SH3BP5: variants seen among roughly 807,000 people sequenced by gnomAD.
The protein encoded by SH3BP5 is SH3 domain binding protein 5, also known as SH3 domain-binding protein 5.
SH3BP5 carries 22 observed loss-of-function variants against 43.3 expected under a neutral mutation model. The observed-to-expected ratio is 0.51, with a 90% CI of 0.36 to 0.73. The LOEUF is 0.73. Among genes scored for constraint, SH3BP5 ranks in the 30% least tolerant of loss-of-function variants. The probability of loss-of-function intolerance (pLI) is 0.00; values close to 1 mark genes in which losing one functional copy is unlikely to be tolerated. For missense variants in SH3BP5, 529 were observed against 586.9 expected (o/e 0.90, Z 1.02); for synonymous variants, 255 against 225.8 (o/e 1.13, Z -1.16).
chr3:15,337,636 G>T (rs1038204153), intron 1 of SH3BP5, among the ~76,000 whole-genome samples: 3 of 151,904 alleles, frequency 2.0e-5, no homozygotes, highest in African/African-American at 4.8e-5. Flanking sequence ...CCCCAGGCCA[G>T]GTCTCACACC....
intron 2 of SH3BP5, among the ~76,000 whole-genome samples, chr3:15,326,213 A>G (rs1698459839): frequency 6.6e-6 from 1 of 152,218 alleles, no homozygotes; most frequent in South Asian, 2.1e-4. Flanking sequence ...GTCAGAGGCA[A>G]ACCCAGGTTG....
intron 3 of SH3BP5, among the ~76,000 whole-genome samples, chr3:15,284,907 G>A (rs1697223603): frequency 6.6e-6 from 1 of 152,220 alleles, no homozygotes; most frequent in African/African-American, 2.4e-5. Flanking sequence ...ACGACCGAAT[G>A]CCTGGTGAGT....
intron 1 of SH3BP5, chr3:15,331,860 G>C (rs1698617965): frequency 5.7e-6 from 1 of 174,204 alleles, no homozygotes; most frequent in Non-Finnish European, 1.2e-5. Context: ...CGCCCACGGT[G>C]CCCGGCGCCC....
At chr3:15,283,143 A>G (rs1697173042) in intron 3 of SH3BP5, among the ~76,000 whole-genome samples, 2 of 152,252 alleles carry the variant, frequency 1.3e-5, no homozygotes, top group Non-Finnish European at 2.9e-5. Context: ...CACGCCTGTA[A>G]TCTCAGCACT....
Position 15,300,441 on chromosome 3 carries a change from T to C in SH3BP5, c.330+3662A>G, listed in dbSNP as rs370605004. On this transcript the variant is annotated intron_variant, in intron 3 of 8. Coordinates refer to ENST00000383791, the MANE Select transcript of SH3BP5 (RefSeq NM_004844.5). ...GAAGGAACTGCTATCTGAAGGAGTC[T>C]CTCAGGCACCATTTCCCTGCTGTAC... Among the ~76,000 whole-genome samples the C allele has an allele frequency of 5.3e-5, 8 of 151,986 alleles. No individual in the cohort carries two copies. The East Asian group carries it at 7.7e-4, about 15-fold the overall frequency.
At chr3:15,268,641 C>T (rs1305831189) in intron 4 of SH3BP5, among the ~76,000 whole-genome samples, 1 of 152,134 alleles carries the variant, frequency 6.6e-6, no homozygotes, top group Non-Finnish European at 1.5e-5. Context: ...GAACATTCTG[C>T]GTGACTTCTA....
upstream of SH3BP5, among the ~76,000 whole-genome samples, chr3:15,336,320 T>C (rs1360311198): frequency 6.6e-6 from 1 of 151,774 alleles, no homozygotes; most frequent in Non-Finnish European, 1.5e-5. Flanking sequence ...GGAGATGAAA[T>C]CAGAGGCAAG....
chr3:15,316,679 C>T (rs1272304595), intron 2 of SH3BP5, among the ~76,000 whole-genome samples: 1 of 151,348 alleles, frequency 6.6e-6, no homozygotes, highest in Admixed American at 6.6e-5. Flanking sequence ...AGGCCATCCT[C>T]GAATTTTTTT....
chr3:15,330,698 A>C (rs1442082678), intron 1 of SH3BP5, 132 bp from the exon 2 acceptor site: 1 of 1,403,168 alleles, frequency 7.1e-7, no homozygotes, highest in Non-Finnish European at 9.3e-7. Context: ...ATTAATTCTT[A>C]CGGCAAACAG....
rs527471238 is a variant in SH3BP5, at chr3:15,256,025, C to T, written c.*61G>A. The T allele has an allele frequency of 1.1e-5, 14 of 1,323,054 alleles. No individual in the cohort carries two copies. Among genetic ancestry groups the T allele is most frequent in the Non-Finnish European group, 1.4e-5 (13 of 936,038 alleles). 82.0% of individuals were successfully genotyped at this position (1,323,054 alleles called of 1,614,324 possible). ...GGCATATATTAAATGATTATTGGCA[C>T]AATGTTCTCCAGTTCCATGTATAAA... On this transcript the variant is annotated 3_prime_UTR_variant, in exon 9 of 9. Transcript: ENST00000383791.
intron 4 of SH3BP5, among the ~76,000 whole-genome samples, chr3:15,268,945 A>T (rs564739949): frequency 6.6e-6 from 1 of 152,254 alleles, no homozygotes; most frequent in African/African-American, 2.4e-5. Flanking sequence ...CACTGAATCT[A>T]CCAATGTCCT....
chr3:15,272,816 GACC>G (rs1696854740), intron 3 of SH3BP5, among the ~76,000 whole-genome samples: 1 of 152,176 alleles, frequency 6.6e-6, no homozygotes, highest in Non-Finnish European at 1.5e-5. Context: ...GTGGCCCAGG[GACC>G]TGCCCCTGCT....
At chr3:15,325,738 G>C (rs976918717) in intron 2 of SH3BP5, among the ~76,000 whole-genome samples, 14 of 152,290 alleles carry the variant, frequency 9.2e-5, no homozygotes, top group Middle Eastern at 3.4e-3. Flanking sequence ...TTAAAAAGCT[G>C]GTCAGGCGCA....
At position 15,309,309 on chromosome 3, in the gene SH3BP5, T is replaced by C. The variant is rs1697990213; in HGVS notation, c.202-5078A>G. On this transcript the variant is annotated intron_variant, in intron 2 of 8. Coordinates refer to ENST00000383791, the MANE Select transcript of SH3BP5 (RefSeq NM_004844.5). ...CTTTTTGTTTGATTTTGTGTTTTTG[T>C]TTTTGGGGGTTTTTTGGGTTTTTGT... Among the ~76,000 whole-genome samples the C allele has an allele frequency of 2.0e-5, 3 of 152,114 alleles. No individual in the cohort carries two copies. In the South Asian group the frequency reaches 6.2e-4, roughly 32 times the overall value.
At chr3:15,265,323 C>G (rs1034521963) in intron 4 of SH3BP5, among the ~76,000 whole-genome samples, 1 of 152,102 alleles carries the variant, frequency 6.6e-6, no homozygotes, top group Non-Finnish European at 1.5e-5. Flanking sequence ...CAAGACCAAC[C>G]TGGCCAACAT....
chr3:15,331,241 TTTAA>T (rs779052220), intron 1 of SH3BP5, among the ~76,000 whole-genome samples: 1 of 152,218 alleles, frequency 6.6e-6, no homozygotes, highest in Non-Finnish European at 1.5e-5. Context: ...AACCAATTAC[TTTAA>T]TTAATAGCAT....
chr3:15,280,625 C>G (rs568898948), intron 3 of SH3BP5, among the ~76,000 whole-genome samples: 1 of 152,172 alleles, frequency 6.6e-6, no homozygotes, highest in Admixed American at 6.5e-5. Context: ...CAGCCATCCC[C>G]GACATCACAC....
chr3:15,306,804 A>G (rs1697922426), intron 2 of SH3BP5, among the ~76,000 whole-genome samples: 1 of 151,978 alleles, frequency 6.6e-6, no homozygotes, highest in African/African-American at 2.4e-5. Flanking sequence ...AAGTAGCAGG[A>G]ACTACAGGTG....
At chr3:15,305,472 C>T (rs562822908) in intron 2 of SH3BP5, among the ~76,000 whole-genome samples, 8 of 128,632 alleles carry the variant, frequency 6.2e-5, no homozygotes, top group African/African-American at 2.8e-4. Context: ...GTATTACAGC[C>T]CGTTCCAGAA....
Sources: allele counts gnomAD v4.1 joint callset (sites outside exome capture counted in the v4.1 genomes callset), GRCh38; gene constraint gnomAD v4.1.1; transcripts MANE v1.5; gene names NCBI Gene and HGNC (gene_info 2026-07-23, HGNC 2026-07-21).